The following TRPC6 variants were observed in gnomAD, a reference collection of about 807,000 sequenced individuals.
TRPC6 encodes the protein transient receptor potential cation channel subfamily C member 6.
Under a neutral mutation model 90.7 loss-of-function variants are expected in TRPC6, and 55 were observed. The observed-to-expected ratio is 0.61, with a 90% CI of 0.49 to 0.76. TRPC6 has a LOEUF of 0.76. TRPC6 is among the 30% of genes least tolerant of loss of function. The pLI is 0.00. For synonymous variants in TRPC6, 393 were observed against 393.0 expected (o/e 1.00, Z 0.00); for missense variants, 989 against 1,122.7 (o/e 0.88, Z 1.70).
At chr11:101,527,721 T>C (rs1367645629) in intron 1 of TRPC6, among the ~76,000 whole-genome samples, 1 of 152,148 alleles carries the variant, frequency 6.6e-6, no homozygotes, top group African/African-American at 2.4e-5. Flanking sequence ...TTTTTTTTCC[T>C]ATAGTTCTGA....
chr11:101,511,276 C>A lies in TRPC6; in HGVS notation c.171-6478G>T, dbSNP rs141763148. On this transcript the variant is annotated intron_variant, in intron 1 of 12. Transcript: ENST00000344327. Reference sequence around the variant, plus strand: ...TTAATCTCTGGGCACATACCCTATGCTCTTCCTCTGGGGTTGAGGAAGCAA... The same window carrying A: ...TTAATCTCTGGGCACATACCCTATGATCTTCCTCTGGGGTTGAGGAAGCAA... Among the ~76,000 whole-genome samples, 377 of 152,268 alleles carry A rather than the reference C, an allele frequency of 2.5e-3. 4 individuals carry two copies. The highest frequency in any genetic ancestry group is 8.6e-3 in the African/African-American group (357 of 41,528).
intron 2 of TRPC6, among the ~76,000 whole-genome samples, chr11:101,502,397 C>G (rs1473921235): frequency 6.6e-6 from 1 of 152,090 alleles, no homozygotes; most frequent in Admixed American, 6.6e-5. Flanking sequence ...TGTACTACCT[C>G]GCCATCCTCA....
At chr11:101,538,708 A>C (rs772420583) in intron 1 of TRPC6, among the ~76,000 whole-genome samples, 47 of 152,216 alleles carry the variant, frequency 3.1e-4, no homozygotes, top group African/African-American at 1.0e-3. Flanking sequence ...GCAGAATGAG[A>C]GATCAGAGAG....
chr11:101,556,871 G>C (rs1202975274), intron 1 of TRPC6, among the ~76,000 whole-genome samples: 1 of 152,144 alleles, frequency 6.6e-6, no homozygotes, highest in Non-Finnish European at 1.5e-5. Context: ...GATCAGGTGG[G>C]ATTAATTCCT....
Position 101,504,494 on chromosome 11 carries a change from A to G in TRPC6, c.475T>C (p.Ser159Pro). 6.2e-7 allele frequency: 1 copy of G among 1,614,068 alleles called. No homozygotes were observed. Among genetic ancestry groups the G allele is most frequent in the Non-Finnish European group, 8.5e-7 (1 of 1,179,994 alleles). Residue 159 changes from serine to proline, a missense_variant, in exon 2 of 13, where the codon TCT becomes CCT. Around this residue, in one of 4 missense-constraint regions of TRPC6, gnomAD observed 486 missense variants for 591.9 expected, o/e 0.82. Transcript: ENST00000344327. ...AGAAGCAAAGCATCCCCAACTCGAGAGAGGTTTTCTTTCTTGAGAAGAAGT... is the reference window on the plus strand; with the variant it reads ...AGAAGCAAAGCATCCCCAACTCGAGGGAGGTTTTCTTTCTTGAGAAGAAGT... ...TELLLKKENL[S>P]RVGDALLLAI...
At chr11:101,498,920 C>CTTCCGGTAT (rs71056612) in intron 2 of TRPC6, among the ~76,000 whole-genome samples, 1 of 151,502 alleles carries the variant, frequency 6.6e-6, no homozygotes, top group African/African-American at 2.4e-5. Context: ...CCCTGAAGGG[C>CTTCCGGTAT]TTCCCTGAAT....
intron 5 of TRPC6, 118 bp from the exon 6 acceptor site, chr11:101,476,652 C>A: frequency 1.2e-6 from 1 of 848,622 alleles, no homozygotes; most frequent in East Asian, 2.6e-5. Context: ...AAAATTTGGT[C>A]CCAACCTGCC....
At chr11:101,565,393 G>C (rs1320489709) in intron 1 of TRPC6, among the ~76,000 whole-genome samples, 1 of 151,904 alleles carries the variant, frequency 6.6e-6, no homozygotes, top group Admixed American at 6.6e-5. Context: ...ATTTTAAAAA[G>C]GACAAATTTC....
Position 101,544,213 on chromosome 11 carries a change from G to A in TRPC6, c.170+39121C>T, listed in dbSNP as rs982990008. Among the ~76,000 whole-genome samples the A allele has an allele frequency of 3.9e-5, 6 of 152,182 alleles. No homozygotes were observed. In the East Asian group the frequency reaches 7.7e-4, roughly 20 times the overall value. ...TCACACCAGTTAGGATGATGATCAT[G>A]AAAAAGTCAGGAAACAACAGATGCT... On this transcript the variant is annotated intron_variant, in intron 1 of 12. Coordinates refer to ENST00000344327, the MANE Select transcript of TRPC6 (RefSeq NM_004621.6).
intron 1 of TRPC6, among the ~76,000 whole-genome samples, chr11:101,563,878 T>C (rs1861770463): frequency 6.6e-6 from 1 of 152,210 alleles, no homozygotes; most frequent in Non-Finnish European, 1.5e-5. Flanking sequence ...ATTTTCCTTC[T>C]TTGTTCCATT....
At chr11:101,456,862 A>G (rs1858894865) in intron 10 of TRPC6, among the ~76,000 whole-genome samples, 1 of 152,196 alleles carries the variant, frequency 6.6e-6, no homozygotes, top group South Asian at 2.1e-4. Flanking sequence ...CATATATAAC[A>G]TATTTTATTT....
In TRPC6 at chr11:101,455,046, C is replaced by A. The variant is rs751363479; in HGVS notation, c.2540G>T (p.Ser847Ile). The change falls in exon 11 of 13, where the codon AGT becomes ATT. Residue 847 changes from serine (S) to isoleucine (I), a missense_variant. Ser to Ile is a moderately radical substitution (Grantham distance 142). Around this residue, in one of 4 missense-constraint regions of TRPC6, gnomAD observed 191 missense variants for 196.7 expected, o/e 0.97. Coordinates refer to ENST00000344327, the MANE Select transcript of TRPC6 (RefSeq NM_004621.6). ...IRSSEDFHLN[S>I]FNNPPRQYQK... The stretch of plus-strand genomic sequence containing the variant: ...ATATTGTCTTGGAGGATTATTGAAA[C>A]TATTTAGATGGAAATCTTCTGAGCT... 6.2e-7 allele frequency: 1 copy of A among 1,612,424 alleles called. No homozygotes were observed. Among genetic ancestry groups the A allele is most frequent in the Non-Finnish European group, 8.5e-7 (1 of 1,179,006 alleles).
At chr11:101,549,941 G>A (rs1861414230) in intron 1 of TRPC6, among the ~76,000 whole-genome samples, 2 of 151,394 alleles carry the variant, frequency 1.3e-5, no homozygotes, top group Admixed American at 1.3e-4. Flanking sequence ...TGAGTTAGCA[G>A]TATAAAGAAT....
intron 1 of TRPC6, among the ~76,000 whole-genome samples, chr11:101,550,873 G>C (rs1264085535): frequency 4.0e-5 from 6 of 151,336 alleles, no homozygotes; most frequent in Admixed American, 4.0e-4. Flanking sequence ...CATTCATTGA[G>C]CTCACCTAAT....
chr11:101,535,436 C>T (rs1327023390), intron 1 of TRPC6, among the ~76,000 whole-genome samples: 1 of 150,904 alleles, frequency 6.6e-6, no homozygotes, highest in Non-Finnish European at 1.5e-5. Context: ...TGAAAGTACT[C>T]ATAAAAGATA....
At chr11:101,533,707 AT>A (rs368915418) in intron 1 of TRPC6, among the ~76,000 whole-genome samples, 41 of 151,384 alleles carry the variant, frequency 2.7e-4, no homozygotes, top group African/African-American at 6.5e-4. Flanking sequence ...TTTGGCCGTT[AT>A]TTTTTTTTAA....
chr11:101,480,218 T>A (rs2136685847), intron 5 of TRPC6, among the ~76,000 whole-genome samples: 1 of 152,202 alleles, frequency 6.6e-6, no homozygotes, highest in Middle Eastern at 3.4e-3. Context: ...CTAAGACTAG[T>A]ATGAGGAGAA....
intron 1 of TRPC6, among the ~76,000 whole-genome samples, chr11:101,545,665 A>T (rs1268302879): frequency 6.6e-6 from 1 of 152,204 alleles, no homozygotes; most frequent in Non-Finnish European, 1.5e-5. Flanking sequence ...ACTCATCTGG[A>T]TTCAGCCTTA....
chr11:101,577,584 C>A (rs1862097604), intron 1 of TRPC6, among the ~76,000 whole-genome samples: 1 of 152,088 alleles, frequency 6.6e-6, no homozygotes, highest in African/African-American at 2.4e-5. Flanking sequence ...GGGAGGCAGT[C>A]ATTCTTCAGT....
Sources: gnomAD v4.1 joint callset for allele counts (sites outside exome capture counted in the v4.1 genomes callset) on GRCh38, gnomAD v4.1.1 for gene constraint, gnomAD v4.1.1 regional missense constraint, MANE v1.5 for transcripts, NCBI Gene and HGNC (gene_info 2026-07-23, HGNC 2026-07-21) for gene names.